Variants in ARID4B observed in about 807,000 individuals in gnomAD.
ARID4B encodes the protein AT-rich interactive domain-containing protein 4B.
Under a neutral mutation model 147.5 loss-of-function variants are expected in ARID4B, and 26 were observed. The ratio of observed to expected loss-of-function variants is 0.18; its 90% CI spans 0.13 to 0.24. ARID4B has a LOEUF of 0.24. Ranked by LOEUF, ARID4B falls within the 10% of genes least tolerant of loss-of-function variation. The pLI, the probability that ARID4B is intolerant of heterozygous loss-of-function variation, is 1.00. For missense variants in ARID4B, 1,179 were observed against 1,511.5 expected, an observed-to-expected ratio of 0.78 and a Z score of 3.65; for synonymous variants, 512 against 507.9, an observed-to-expected ratio of 1.01 and a Z score of -0.11.
intron 2 of ARID4B, among the ~76,000 whole-genome samples, chr1:235,309,551 G>A (rs1260702732): frequency 6.8e-6 from 1 of 147,386 alleles, no homozygotes; most frequent in Non-Finnish European, 1.5e-5. Flanking sequence ...GAGGGAGGTG[G>A]GGGGGTCAGC....
intron 5 of ARID4B, 66 bp downstream of exon 5, chr1:235,255,576 AATCCAGGAAATTTCATTT>A: frequency 1.2e-6 from 1 of 838,402 alleles, no homozygotes; most frequent in Non-Finnish European, 1.8e-6. Context: ...TTAAGAAGTG[AATCCAGGAAATTTCATTT>A]TATTTGTATT....
At chr1:235,208,945 A>G (rs937367634) in intron 17 of ARID4B, among the ~76,000 whole-genome samples, 1 of 150,282 alleles carries the variant, frequency 6.7e-6, no homozygotes, top group East Asian at 1.9e-4. Context: ...TAAGTAATAT[A>G]GTGCTAGACA....
intron 11 of ARID4B, chr1:235,228,487 T>A (rs1016590983): frequency 3.3e-5 from 5 of 151,256 alleles, no homozygotes; most frequent in African/African-American, 1.2e-4. Flanking sequence ...ATTATTTTTA[T>A]TTTTATTTTT....
At chr1:235,319,452 A>AT (rs1674668692) in intron 2 of ARID4B, among the ~76,000 whole-genome samples, 1 of 152,198 alleles carries the variant, frequency 6.6e-6, no homozygotes, top group Non-Finnish European at 1.5e-5. Context: ...TCAAGGCTGC[A>AT]GTGAGCTGTG....
intron 14 of ARID4B, 49 bp downstream of exon 14, chr1:235,221,516 T>C: frequency 1.8e-6 from 2 of 1,094,468 alleles, no homozygotes; most frequent in Non-Finnish European, 2.7e-6. Flanking sequence ...TTCATCCTGC[T>C]TTCTAGGTAA....
chr1:235,231,135 C>G lies in ARID4B; in HGVS notation c.720G>C (p.Lys240Asn), dbSNP rs1668200363. ...TACCTTGCTTTAAAACAGCATCAGGCTTTGGTGCAGTGTCACTAGTAATTT... is the reference window on the plus strand; with the variant it reads ...TACCTTGCTTTAAAACAGCATCAGGGTTTGGTGCAGTGTCACTAGTAATTT... ...VHEITSDTAPKPDAVLKQAFE... is the reference protein window; with the variant it reads ...VHEITSDTAPNPDAVLKQAFE... Residue 240 changes from lysine (K) to asparagine (N), a missense_variant, in exon 10 of 24, where the codon AAG becomes AAC. Lys to Asn is a moderately conservative substitution (Grantham distance 94, BLOSUM62 0). This residue lies in a region of ARID4B where 159 missense variants were observed against 190.5 expected (regional missense o/e 0.83). Coordinates refer to ENST00000264183, the MANE Select transcript of ARID4B (RefSeq NM_016374.6). 1 of 1,591,788 alleles carries G rather than the reference C, an allele frequency of 6.3e-7. No individual in the cohort carries two copies. Among genetic ancestry groups the G allele is most frequent in the Non-Finnish European group, 8.5e-7 (1 of 1,169,838 alleles).
intron 2 of ARID4B, among the ~76,000 whole-genome samples, chr1:235,295,711 G>A (rs1456191854): frequency 2.0e-5 from 3 of 149,140 alleles, no homozygotes; most frequent in African/African-American, 7.4e-5. Flanking sequence ...TCGGGAGGCT[G>A]AGGCAGGGGA....
At chr1:235,312,840 G>A (rs1313003501) in intron 2 of ARID4B, among the ~76,000 whole-genome samples, 1 of 152,066 alleles carries the variant, frequency 6.6e-6, no homozygotes, top group Non-Finnish European at 1.5e-5. Flanking sequence ...GAGCATGGTG[G>A]CGCATGCCTG....
chr1:235,270,632 G>C (rs934973568), intron 2 of ARID4B, among the ~76,000 whole-genome samples: 1 of 152,238 alleles, frequency 6.6e-6, no homozygotes, highest in African/African-American at 2.4e-5. Flanking sequence ...ACAGGCAAGA[G>C]AGAAATTGGG....
chr1:235,273,454 T>A (rs1284835813), intron 2 of ARID4B, among the ~76,000 whole-genome samples: 1 of 152,186 alleles, frequency 6.6e-6, no homozygotes, highest in African/African-American at 2.4e-5. Context: ...CCATATTTCA[T>A]CTAATTTAAG....
chr1:235,263,927 G>C (rs1381682168), intron 2 of ARID4B, among the ~76,000 whole-genome samples: 2 of 152,066 alleles, frequency 1.3e-5, no homozygotes, highest in Non-Finnish European at 2.9e-5. Context: ...CTGGGAGGCG[G>C]GGCTTGCAGT....
intron 16 of ARID4B, 145 bp from the exon 17 acceptor site, chr1:235,214,171 T>A: frequency 1.0e-6 from 1 of 1,003,698 alleles, no homozygotes; most frequent in Non-Finnish European, 1.4e-6. Context: ...AGAGTTTCAT[T>A]TTACTATTAA....
intron 2 of ARID4B, among the ~76,000 whole-genome samples, chr1:235,274,661 G>C (rs1294419216): frequency 6.6e-6 from 1 of 152,108 alleles, no homozygotes; most frequent in Non-Finnish European, 1.5e-5. Flanking sequence ...CTAGGCCAAA[G>C]AGAATTTCGG....
intron 2 of ARID4B, among the ~76,000 whole-genome samples, chr1:235,297,008 T>A (rs959448201): frequency 4.6e-5 from 7 of 152,052 alleles, no homozygotes; most frequent in South Asian, 2.1e-4. Context: ...TCTTTTCTTT[T>A]TATATATATA....
intron 19 of ARID4B, among the ~76,000 whole-genome samples, chr1:235,188,974 A>G (rs1050596629): frequency 2.0e-5 from 3 of 152,212 alleles, no homozygotes; most frequent in African/African-American, 7.2e-5. Context: ...AACTGAAAAA[A>G]CCAAAAATTA....
chr1:235,199,557 T>G (rs1355439833), intron 17 of ARID4B, among the ~76,000 whole-genome samples: 1 of 152,116 alleles, frequency 6.6e-6, no homozygotes, highest in East Asian at 1.9e-4. Context: ...TGTGGAGAAT[T>G]AGAGAAGAGA....
intron 2 of ARID4B, among the ~76,000 whole-genome samples, chr1:235,285,414 C>T (rs1021388944): frequency 5.3e-5 from 8 of 152,104 alleles, no homozygotes; most frequent in African/African-American, 1.9e-4. Flanking sequence ...AATCCATAAG[C>T]CACTCCTGAT....
At chr1:235,231,005 A>T (rs968623783) in intron 10 of ARID4B, 108 bp downstream of exon 10, 10 of 755,226 alleles carry the variant, frequency 1.3e-5, no homozygotes, top group Non-Finnish European at 2.2e-5. Context: ...ATATAACCAT[A>T]AAAACATAAT....
At chr1:235,289,370 A>AT (rs561965400) in intron 2 of ARID4B, among the ~76,000 whole-genome samples, 12 of 152,350 alleles carry the variant, frequency 7.9e-5, no homozygotes, top group Admixed American at 5.9e-4. Context: ...TATAATTCAC[A>AT]TCACTAAAGA....
Sources: allele counts gnomAD v4.1 joint callset (sites outside exome capture counted in the v4.1 genomes callset), GRCh38; gene constraint gnomAD v4.1.1; regional missense constraint gnomAD v4.1.1; transcripts MANE v1.5; gene names NCBI Gene and HGNC (gene_info 2026-07-23, HGNC 2026-07-21).